Variants in PDE4B observed in about 807,000 individuals in gnomAD.
PDE4B encodes phosphodiesterase 4B, also known as 3',5'-cyclic-AMP phosphodiesterase 4B.
Under a neutral mutation model 82.2 loss-of-function variants are expected in PDE4B, and 20 were observed. That is an observed-to-expected ratio of 0.24 (90% CI 0.17 to 0.35). The LOEUF is 0.35. PDE4B is among the 10% of genes least tolerant of loss of function. PDE4B has a pLI of 1.00. For synonymous variants in PDE4B, 320 were observed against 318.9 expected, an observed-to-expected ratio of 1.00 and a Z score of -0.04; for missense variants, 655 against 907.2, an observed-to-expected ratio of 0.72 and a Z score of 3.57.
At chr1:65,813,978 C>T (rs1557759898) in intron 1 of PDE4B, among the ~76,000 whole-genome samples, 1 of 151,468 alleles carries the variant, frequency 6.6e-6, no homozygotes, top group East Asian at 1.9e-4. Context: ...AATAGAAGCC[C>T]TGAGTGTATG....
intron 3 of PDE4B, among the ~76,000 whole-genome samples, chr1:66,239,287 G>A (rs1050151633): frequency 1.3e-4 from 20 of 151,978 alleles, no homozygotes; most frequent in Admixed American, 1.1e-3. Context: ...GTGCACCCTG[G>A]GGCAGAATCA....
intron 3 of PDE4B, among the ~76,000 whole-genome samples, chr1:65,959,725 G>A (rs1220748943): frequency 1.3e-5 from 2 of 152,054 alleles, no homozygotes; most frequent in African/African-American, 4.8e-5. Context: ...GGTCAGAAGA[G>A]GGTGCTGATT....
chr1:66,053,529 A>G (rs1655145853), intron 3 of PDE4B, among the ~76,000 whole-genome samples: 1 of 152,182 alleles, frequency 6.6e-6, no homozygotes, highest in Non-Finnish European at 1.5e-5. Context: ...ACAGAGAGAT[A>G]GAGTAACCTG....
intron 3 of PDE4B, among the ~76,000 whole-genome samples, chr1:66,130,138 A>G (rs375829943): frequency 1.3e-5 from 2 of 152,330 alleles, no homozygotes; most frequent in East Asian, 1.9e-4. Context: ...TAGATTATCA[A>G]TCAAAGCAAA....
chr1:65,971,473 A>G (rs1650133738), intron 3 of PDE4B, among the ~76,000 whole-genome samples: 1 of 152,148 alleles, frequency 6.6e-6, no homozygotes, highest in South Asian at 2.1e-4. Context: ...AATAGACAGT[A>G]ATAGGTATGC....
chr1:66,296,849 A>G (rs1018562744), intron 7 of PDE4B, among the ~76,000 whole-genome samples: 13 of 152,208 alleles, frequency 8.5e-5, no homozygotes, highest in Non-Finnish European at 1.6e-4. Context: ...GTGCATAATA[A>G]TTCTGTATCC....
chr1:65,885,471 T>C (rs935382384), intron 1 of PDE4B, among the ~76,000 whole-genome samples: 2 of 152,102 alleles, frequency 1.3e-5, no homozygotes, highest in Admixed American at 6.6e-5. Flanking sequence ...CAAATTTCCA[T>C]CAATGATAGA....
chr1:66,274,371 C>T (rs1655730259), intron 7 of PDE4B, among the ~76,000 whole-genome samples: 1 of 151,560 alleles, frequency 6.6e-6, no homozygotes, highest in Non-Finnish European at 1.5e-5. Context: ...AGGAGTTTCA[C>T]CATGTTGGTC....
rs1223817629 is a variant in PDE4B, at chr1:65,793,019, C to T, written c.-300C>T. ...CCGGCCCGCGCGCCCCTTCCCGGGG[C>T]TCCTGGCCTCGCCTCAGCGGCTGCA... On this transcript the variant is annotated 5_prime_UTR_variant, in exon 1 of 17. Transcript: ENST00000341517. Among the ~76,000 whole-genome samples, 1 of 151,830 alleles carries T rather than the reference C, an allele frequency of 6.6e-6. No homozygotes were observed. Among genetic ancestry groups the T allele is most frequent in the Non-Finnish European group, 1.5e-5 (1 of 67,920 alleles).
At chr1:66,084,532 C>T (rs1452434244) in intron 3 of PDE4B, among the ~76,000 whole-genome samples, 1 of 152,076 alleles carries the variant, frequency 6.6e-6, no homozygotes, top group South Asian at 2.1e-4. Flanking sequence ...AAGTGAAATA[C>T]ATTAAGAACA....
intron 3 of PDE4B, among the ~76,000 whole-genome samples, chr1:66,096,974 A>T (rs1645131822): frequency 6.6e-6 from 1 of 151,944 alleles, no homozygotes; most frequent in South Asian, 2.1e-4. Flanking sequence ...TTTATCATGG[A>T]TATTCCATAA....
chr1:66,129,684 A>AC (rs796791157), intron 3 of PDE4B, among the ~76,000 whole-genome samples: 21 of 55,762 alleles, frequency 3.8e-4, no homozygotes, highest in African/African-American at 1.1e-3. Context: ...AAAAAAACAA[A>AC]AAAACAAAAA....
At chr1:66,065,616 A>G (rs2100909794) in intron 3 of PDE4B, among the ~76,000 whole-genome samples, 1 of 151,914 alleles carries the variant, frequency 6.6e-6, no homozygotes, top group Admixed American at 6.6e-5. Flanking sequence ...ACAAAATGTA[A>G]TCATAGAATG....
chr1:65,870,496 T>A (rs1646560450), intron 1 of PDE4B, among the ~76,000 whole-genome samples: 1 of 152,130 alleles, frequency 6.6e-6, no homozygotes, highest in African/African-American at 2.4e-5. Flanking sequence ...ATTATTGAGG[T>A]TTTTTTGAGG....
intron 3 of PDE4B, among the ~76,000 whole-genome samples, chr1:65,955,302 G>A (rs1649199054): frequency 6.6e-6 from 1 of 152,232 alleles, no homozygotes; most frequent in East Asian, 1.9e-4. Flanking sequence ...GAAGAGAGAT[G>A]TAGAAAAGTG....
chr1:66,274,862 C>A (rs1189492078), intron 7 of PDE4B, among the ~76,000 whole-genome samples: 1 of 152,298 alleles, frequency 6.6e-6, no homozygotes, highest in East Asian at 1.9e-4. Context: ...CAACAGAAAG[C>A]CCTGTTGAGC....
At chr1:65,891,784 A>C (rs1450949454) in intron 1 of PDE4B, among the ~76,000 whole-genome samples, 4 of 152,170 alleles carry the variant, frequency 2.6e-5, no homozygotes, top group South Asian at 2.1e-4. Context: ...CATCTATATA[A>C]ATTGTTGTGT....
At chr1:66,213,298 A>G (rs1650210212) in intron 3 of PDE4B, among the ~76,000 whole-genome samples, 1 of 152,124 alleles carries the variant, frequency 6.6e-6, no homozygotes, top group African/African-American at 2.4e-5. Context: ...ATACCTTTTT[A>G]GGTATTTTCT....
chr1:65,810,436 A>G (rs970394438), intron 1 of PDE4B, among the ~76,000 whole-genome samples: 2 of 152,122 alleles, frequency 1.3e-5, no homozygotes, highest in Non-Finnish European at 2.9e-5. Context: ...CAGCCAAGTA[A>G]TTTGCTTAAG....
Sources: allele counts gnomAD v4.1 joint callset (sites outside exome capture counted in the v4.1 genomes callset), GRCh38; gene constraint gnomAD v4.1.1; transcripts MANE v1.5; gene names NCBI Gene and HGNC (gene_info 2026-07-23, HGNC 2026-07-21).